The following SNX29 variants were observed in gnomAD, a reference collection of about 807,000 sequenced individuals.
The protein encoded by SNX29 is sorting nexin-29.
A neutral mutation model predicts 102.1 loss-of-function variants in SNX29; 78 were observed. That is an observed-to-expected ratio of 0.76 (90% CI 0.64 to 0.92). SNX29 has a LOEUF of 0.92. SNX29 is among the 40% of genes least tolerant of loss of function. SNX29 has a pLI of 0.00. For synonymous variants in SNX29, 580 were observed against 414.5 expected (o/e 1.40, Z -4.85); for missense variants, 1,280 against 1,061.7 (o/e 1.21, Z -2.86).
intron 18 of SNX29, among the ~76,000 whole-genome samples, chr16:12,452,320 G>C (rs1481066497): frequency 6.6e-6 from 1 of 152,288 alleles, no homozygotes; most frequent in Non-Finnish European, 1.5e-5. Flanking sequence ...ATGGGTGCAG[G>C]CTAGGGATGC....
At chr16:12,485,849 C>G (rs1338512582) in intron 19 of SNX29, among the ~76,000 whole-genome samples, 2 of 152,188 alleles carry the variant, frequency 1.3e-5, no homozygotes, top group African/African-American at 4.8e-5. Context: ...GAGAAGGCTT[C>G]CTGCAGGAGG....
At chr16:12,438,747 C>T (rs947300462) in intron 18 of SNX29, among the ~76,000 whole-genome samples, 1 of 152,218 alleles carries the variant, frequency 6.6e-6, no homozygotes, top group African/African-American at 2.4e-5. Context: ...ACATTAAAAT[C>T]AGAAGAGGTC....
At chr16:12,285,963 C>T (rs112895659) in intron 15 of SNX29, among the ~76,000 whole-genome samples, 4,800 of 152,158 alleles carry the variant, frequency 0.032, 118 homozygotes, top group Admixed American at 0.062. Flanking sequence ...TCAAGTGATT[C>T]TCCTGCTTCC....
At chr16:12,332,300 C>T (rs561429170) in intron 15 of SNX29, among the ~76,000 whole-genome samples, 3 of 152,264 alleles carry the variant, frequency 2.0e-5, no homozygotes, top group African/African-American at 7.2e-5. Flanking sequence ...GTGTCTTCAG[C>T]TCGTTGCCAA....
At chr16:12,182,322 C>G (rs916127797) in intron 13 of SNX29, among the ~76,000 whole-genome samples, 4 of 151,864 alleles carry the variant, frequency 2.6e-5, no homozygotes, top group African/African-American at 9.7e-5. Context: ...ATAATAATCC[C>G]ACTGGACAAA....
In SNX29 at chr16:12,568,751, C is replaced by G. The variant is rs74013306; in HGVS notation, c.*122C>G. ...TCCACCTGGTGATCCTGAGAGCACA[C>G]GATTCCCAACAGTTACACAACACCC... On this transcript the variant is annotated 3_prime_UTR_variant, in exon 21 of 21. Transcript: ENST00000566228. 1.4e-5 allele frequency: 19 copies of G among 1,389,270 alleles called. No individual in the cohort carries two copies. Among genetic ancestry groups the G allele is most frequent in the East Asian group, 2.5e-5 (1 of 40,366 alleles). The allele number at this position is 1,389,270 out of a possible 1,614,324, so 86.1% of individuals were successfully genotyped here.
chr16:12,122,549 AAAC>A (rs2054021174), intron 11 of SNX29, among the ~76,000 whole-genome samples: 1 of 152,226 alleles, frequency 6.6e-6, no homozygotes, highest in Non-Finnish European at 1.5e-5. Flanking sequence ...AGACACTGGG[AAAC>A]AGCCTGTGCC....
chr16:12,283,442 C>T (rs2079497853), intron 15 of SNX29, among the ~76,000 whole-genome samples: 1 of 151,874 alleles, frequency 6.6e-6, no homozygotes, highest in Non-Finnish European at 1.5e-5. Context: ...GTCTCAGGCT[C>T]CTGAGTAGCT....
At chr16:12,549,279 A>C (rs1007224140) in intron 20 of SNX29, among the ~76,000 whole-genome samples, 1 of 152,158 alleles carries the variant, frequency 6.6e-6, no homozygotes, top group Admixed American at 6.6e-5. Context: ...TAGATCACTC[A>C]GGGTCAGAAG....
intron 13 of SNX29, among the ~76,000 whole-genome samples, chr16:12,165,709 C>G (rs767745960): frequency 1.3e-5 from 2 of 152,198 alleles, no homozygotes; most frequent in Admixed American, 6.5e-5. Context: ...TACAGGCGCA[C>G]GCCGCCACCA....
At chr16:11,996,915 A>G (rs1311994305) in intron 1 of SNX29, among the ~76,000 whole-genome samples, 1 of 152,184 alleles carries the variant, frequency 6.6e-6, no homozygotes, top group Non-Finnish European at 1.5e-5. Flanking sequence ...CCAGAAAAAA[A>G]TACTAACGGT....
At chr16:12,499,315 C>G (rs1470976579) in intron 19 of SNX29, among the ~76,000 whole-genome samples, 1 of 152,226 alleles carries the variant, frequency 6.6e-6, no homozygotes, top group East Asian at 1.9e-4. Flanking sequence ...AATTGAACAT[C>G]ACTGTTTTTT....
At chr16:12,013,541 A>ATATATC (rs1325376334) in intron 3 of SNX29, among the ~76,000 whole-genome samples, 1 of 119,240 alleles carries the variant, frequency 8.4e-6, no homozygotes, top group African/African-American at 3.1e-5. Context: ...ATATATATAT[A>ATATATC]TCGAGAGAGG....
intron 14 of SNX29, among the ~76,000 whole-genome samples, chr16:12,237,741 C>G (rs1226491103): frequency 6.6e-6 from 1 of 152,102 alleles, no homozygotes; most frequent in Admixed American, 6.6e-5. Flanking sequence ...ACCCCCGTCT[C>G]TACTAAAAAT....
intron 13 of SNX29, chr16:12,135,483 A>G: frequency 7.6e-7 from 1 of 1,307,910 alleles, no homozygotes; most frequent in Non-Finnish European, 1.0e-6. Context: ...GGATGGTCTG[A>G]TAAGAGCCAG....
intron 14 of SNX29, among the ~76,000 whole-genome samples, chr16:12,236,592 A>C (rs1044649277): frequency 6.6e-6 from 1 of 152,102 alleles, no homozygotes; most frequent in African/African-American, 2.4e-5. Flanking sequence ...ATTGAATGCT[A>C]TTCTTCCTCC....
rs543685879 is a variant in SNX29 at position 12,569,462 on chromosome 16, G to A, written c.*833G>A. 4.3e-6 allele frequency: 1 copy of A among 231,336 alleles called. No homozygotes were observed. The allele number at this position is 231,336 out of a possible 1,614,324, so 14.3% of individuals were successfully genotyped here. A position where few individuals can be genotyped will look rare whatever the true frequency, so the allele number is the denominator to read the frequency against. ...TAGCATTGGCCCTACAGTCATGAGA[G>A]ACTTGGGTCAGGGAACCACTGCAGA... On this transcript the variant is annotated 3_prime_UTR_variant, in exon 21 of 21. Transcript: ENST00000566228.
intron 14 of SNX29, among the ~76,000 whole-genome samples, chr16:12,258,535 T>C (rs1208649506): frequency 2.0e-5 from 3 of 152,152 alleles, no homozygotes; most frequent in Non-Finnish European, 2.9e-5. Context: ...TTCTCCTTAC[T>C]TATCTGCTCA....
intron 13 of SNX29, among the ~76,000 whole-genome samples, chr16:12,152,143 C>T (rs2055328743): frequency 6.6e-6 from 1 of 152,012 alleles, no homozygotes; most frequent in Non-Finnish European, 1.5e-5. Context: ...ATTGCTTGGG[C>T]CCGCGAGGTG....
Sources: allele counts gnomAD v4.1 joint callset (sites outside exome capture counted in the v4.1 genomes callset), GRCh38; gene constraint gnomAD v4.1.1; transcripts MANE v1.5; gene names NCBI Gene and HGNC (gene_info 2026-07-23, HGNC 2026-07-21).